Variants in SH3PXD2A observed in about 807,000 individuals in gnomAD.
SH3PXD2A encodes the protein SH3 and PX domains 2A.
SH3PXD2A carries 32 observed loss-of-function variants against 115.2 expected under a neutral mutation model. The observed-to-expected ratio is 0.28, with a 90% confidence interval of 0.21 to 0.37. SH3PXD2A has a LOEUF of 0.37. SH3PXD2A is among the 10% of genes least tolerant of loss of function. SH3PXD2A has a pLI of 1.00. For synonymous variants in SH3PXD2A, 610 were observed against 629.1 expected, an observed-to-expected ratio of 0.97 and a Z score of 0.45; for missense variants, 1,328 against 1,498.7, an observed-to-expected ratio of 0.89 and a Z score of 1.88.
chr10:103,692,884 C>T, intron 6 of SH3PXD2A, 144 bp downstream of exon 6: 1 of 674,884 alleles, frequency 1.5e-6, no homozygotes, highest in Non-Finnish European at 2.6e-6. Context: ...GAAGCGAGTA[C>T]CCCTGGCCCG....
chr10:103,764,067 A>T (rs1443589602), intron 3 of SH3PXD2A, among the ~76,000 whole-genome samples: 4 of 152,128 alleles, frequency 2.6e-5, no homozygotes, highest in Non-Finnish European at 2.9e-5. Flanking sequence ...AACGAACTTG[A>T]CCTAAGACAG....
At chr10:103,662,070 TCTGC>T in intron 7 of SH3PXD2A, 1 of 606,376 alleles carries the variant, frequency 1.6e-6, no homozygotes, top group Non-Finnish European at 2.1e-6. Flanking sequence ...TCAGTTTCTC[TCTGC>T]CTTTCAGTGC....
At position 103,817,167 on chromosome 10, in the gene SH3PXD2A, T is replaced by C. The variant is rs899279200; in HGVS notation, c.73-15805A>G. Among the ~76,000 whole-genome samples, 11 of 150,936 alleles carry C rather than the reference T, an allele frequency of 7.3e-5. No homozygotes were observed. The South Asian group carries it at 8.4e-4, about 12-fold the overall frequency. ...TCTATTCTTTTTTTTTTTTAACTTT[T>C]ATTTTAGGTTCAGGGGTATATGTGA... On this transcript the variant is annotated intron_variant, in intron 1 of 14. Coordinates refer to ENST00000369774, the MANE Select transcript of SH3PXD2A (RefSeq NM_001394015.1).
intron 2 of SH3PXD2A, among the ~76,000 whole-genome samples, chr10:103,775,293 C>T (rs890537429): frequency 2.0e-5 from 3 of 152,174 alleles, no homozygotes; most frequent in Admixed American, 6.5e-5. Flanking sequence ...AGGCCTTTAC[C>T]ACATCAGCAG....
chr10:103,704,271 T>C (rs2037955332), intron 5 of SH3PXD2A, among the ~76,000 whole-genome samples: 1 of 151,620 alleles, frequency 6.6e-6, no homozygotes, highest in Admixed American at 6.6e-5. Flanking sequence ...CGGTGGCCAC[T>C]GGAGGAGGAG....
intron 6 of SH3PXD2A, chr10:103,678,165 G>A (rs564241227): frequency 3.3e-5 from 43 of 1,288,456 alleles, no homozygotes; most frequent in East Asian, 5.5e-5. Context: ...TGTAATGTCT[G>A]GGGGGAGCAG....
Position 103,769,192 on chromosome 10 carries a change from G to GCA in SH3PXD2A, c.154-2024_154-2023insTG, listed in dbSNP as rs2038792970. On this transcript the variant is annotated intron_variant, in intron 2 of 14. Coordinates refer to ENST00000369774, the MANE Select transcript of SH3PXD2A (RefSeq NM_001394015.1). ...TGTGTGTGTGTGTGTGCGCGCGCGC[G>GCA]CGCATTTATTTCCATCCATCCATCC... Among the ~76,000 whole-genome samples, 3 of 149,654 alleles carry GCA rather than the reference G, an allele frequency of 2.0e-5. 1 individual carries two copies. The highest frequency in any genetic ancestry group is 7.5e-5 in the African/African-American group (3 of 39,984).
chr10:103,649,588 G>T (rs1179051816), intron 8 of SH3PXD2A, among the ~76,000 whole-genome samples: 1 of 152,202 alleles, frequency 6.6e-6, no homozygotes, highest in Non-Finnish European at 1.5e-5. Context: ...GACTCAAGTA[G>T]CCAGTGCTTC....
chr10:103,623,268 G>C (rs1033677925), intron 9 of SH3PXD2A, among the ~76,000 whole-genome samples: 17 of 145,928 alleles, frequency 1.2e-4, no homozygotes, highest in East Asian at 7.9e-4. Flanking sequence ...TGATGACAGG[G>C]GCCCCCTCCC....
chr10:103,803,780 T>A (rs753541475), intron 1 of SH3PXD2A, among the ~76,000 whole-genome samples: 1 of 152,188 alleles, frequency 6.6e-6, no homozygotes, highest in Non-Finnish European at 1.5e-5. Flanking sequence ...TTTGCCAAGG[T>A]GAAGGACACA....
intron 6 of SH3PXD2A, among the ~76,000 whole-genome samples, chr10:103,685,497 T>G (rs1044874919): frequency 6.6e-6 from 1 of 152,262 alleles, no homozygotes; most frequent in South Asian, 2.1e-4. Context: ...ACACCCCACC[T>G]TCCCCCTGTC....
rs888864637 is a variant in SH3PXD2A, at chr10:103,660,287, A to G, written c.604+696T>C. On this transcript the variant is annotated intron_variant, in intron 8 of 14. Transcript: ENST00000369774. ...TTGGGCTCTCCTCTCTTCACCTGCC[A>G]TGACTCCTGCTGCCAGGGACACCAA... Among the ~76,000 whole-genome samples the G allele has an allele frequency of 2.0e-5, 3 of 152,050 alleles. No homozygotes were observed. The East Asian group carries it at 5.8e-4, about 29-fold the overall frequency.
At chr10:103,694,265 T>C (rs1592305121) in intron 5 of SH3PXD2A, among the ~76,000 whole-genome samples, 1 of 98,766 alleles carries the variant, frequency 1.0e-5, no homozygotes, top group Admixed American at 1.2e-4. Flanking sequence ...AGTCTGCCAC[T>C]GGAAAGGCGG....
Position 103,627,168 on chromosome 10 carries a change from G to A in SH3PXD2A, c.639C>T (p.Gly213=). The A allele has an allele frequency of 6.2e-7, 1 of 1,612,760 alleles. No homozygotes were observed. The highest frequency in any genetic ancestry group is 8.5e-7 in the Non-Finnish European group (1 of 1,178,770). ...WWFVSTSEEQ[G]WVPATYLEAQ... ...CCTCCAGGTAGGTGGCAGGGACCCAGCCCTGCTCCTCAGAAGTGCTCACGA... is the reference window on the plus strand; with the variant it reads ...CCTCCAGGTAGGTGGCAGGGACCCAACCCTGCTCCTCAGAAGTGCTCACGA... The change falls in exon 9 of 15, where the codon GGC becomes GGT. Residue 213 remains glycine (G), a synonymous_variant. Transcript: ENST00000369774. The surrounding 1 kb of genome is among the most constrained non-coding windows in gnomAD (Gnocchi z 4.4).
At chr10:103,715,170 T>G (rs1174980730) in intron 5 of SH3PXD2A, among the ~76,000 whole-genome samples, 1 of 152,218 alleles carries the variant, frequency 6.6e-6, no homozygotes, top group Non-Finnish European at 1.5e-5. Context: ...AAATCCCATT[T>G]CCTGAGCTTT....
intron 3 of SH3PXD2A, among the ~76,000 whole-genome samples, chr10:103,760,249 CAGG>C (rs1325151530): frequency 6.6e-5 from 10 of 152,108 alleles, no homozygotes; most frequent in Admixed American, 5.9e-4. Context: ...CTTGGAGGAA[CAGG>C]AGAAGTCCCA....
chr10:103,661,399 C>T (rs984040199), intron 7 of SH3PXD2A, among the ~76,000 whole-genome samples: 2 of 152,212 alleles, frequency 1.3e-5, no homozygotes, highest in African/African-American at 2.4e-5. Context: ...AGAGCGGAGG[C>T]GGAGGCCAAG....
rs79405747 is a variant in SH3PXD2A, at chr10:103,639,754, G to A, written c.605-12552C>T. Among the ~76,000 whole-genome samples the A allele has an allele frequency of 9.2e-5, 14 of 152,118 alleles. No individual in the cohort carries two copies. The East Asian group carries it at 2.7e-3, about 29-fold the overall frequency. On this transcript the variant is annotated intron_variant, in intron 8 of 14. Coordinates refer to ENST00000369774, the MANE Select transcript of SH3PXD2A (RefSeq NM_001394015.1). ...GTGCCCAGATTCCTAAACATGAGGC[G>A]CTCAGGAAAGATGGAAGATGCAAGA...
At chr10:103,824,234 TGA>T (rs1385473257) in intron 1 of SH3PXD2A, among the ~76,000 whole-genome samples, 1 of 152,142 alleles carries the variant, frequency 6.6e-6, no homozygotes, top group Non-Finnish European at 1.5e-5. Flanking sequence ...CTTGGAGCTT[TGA>T]TTTCCTCGTC....
Sources: allele counts gnomAD v4.1 joint callset (sites outside exome capture counted in the v4.1 genomes callset), GRCh38; gene constraint gnomAD v4.1.1; non-coding constraint Gnocchi (gnomAD v3.1); transcripts MANE v1.5; gene names NCBI Gene and HGNC (gene_info 2026-07-23, HGNC 2026-07-21).